AMPH: variants seen among roughly 807,000 people sequenced by gnomAD.
AMPH encodes amphiphysin, also known as amphiphysin (Stiff-Mann syndrome with breast cancer 128kD autoantigen).
Under a neutral mutation model 99.1 loss-of-function variants are expected in AMPH, and 49 were observed. That is an observed-to-expected ratio of 0.49 (90% CI 0.39 to 0.63). The LOEUF (loss-of-function observed/expected upper bound fraction) is 0.63. Ranked by LOEUF, AMPH falls within the 20% of genes least tolerant of loss-of-function variation. The pLI, the probability that AMPH is intolerant of heterozygous loss-of-function variation, is 0.00. For synonymous variants in AMPH, 314 were observed against 317.3 expected, an observed-to-expected ratio of 0.99 and a Z score of 0.11; for missense variants, 759 against 863.4, an observed-to-expected ratio of 0.88 and a Z score of 1.52.
intron 15 of AMPH, among the ~76,000 whole-genome samples, chr7:38,425,597 T>C (rs1785754910): frequency 6.6e-6 from 1 of 152,166 alleles, no homozygotes; most frequent in African/African-American, 2.4e-5. Flanking sequence ...CCTGGATGGC[T>C]TTGATGGAAC....
At chr7:38,494,326 A>T in intron 4 of AMPH, 107 bp downstream of exon 4, 1 of 940,986 alleles carries the variant, frequency 1.1e-6, no homozygotes, top group Middle Eastern at 2.6e-4. Flanking sequence ...TTCTGAGCAC[A>T]CTGTCTTGCC....
At chr7:38,457,513 A>G (rs1347717402) in intron 11 of AMPH, among the ~76,000 whole-genome samples, 2 of 152,232 alleles carry the variant, frequency 1.3e-5, no homozygotes, top group Non-Finnish European at 2.9e-5. Context: ...GTGAGACAAA[A>G]ATAAATAAAA....
At chr7:38,590,935 TTTATA>T (rs1164453295) in intron 1 of AMPH, among the ~76,000 whole-genome samples, 2 of 152,196 alleles carry the variant, frequency 1.3e-5, no homozygotes, top group Non-Finnish European at 2.9e-5. Flanking sequence ...AAGATATAAT[TTTATA>T]TTATAAGCGA....
chr7:38,579,574 C>T (rs1418888991), intron 1 of AMPH, among the ~76,000 whole-genome samples: 1 of 152,150 alleles, frequency 6.6e-6, no homozygotes, highest in African/African-American at 2.4e-5. Flanking sequence ...GTTCAGGTAT[C>T]GGTTGGCATG....
chr7:38,509,034 G>T (rs1376979967), intron 2 of AMPH, among the ~76,000 whole-genome samples: 1 of 152,158 alleles, frequency 6.6e-6, no homozygotes, highest in African/African-American at 2.4e-5. Context: ...TTCAGGTGCT[G>T]TTAAATGGGA....
chr7:38,409,747 G>A lies in AMPH; in HGVS notation c.1398+8078C>T, dbSNP rs551169064. 4.1e-4 allele frequency among the ~76,000 whole-genome samples: 62 copies of A among 152,282 alleles called. 1 individual carries two copies. In the South Asian group the frequency reaches 0.013, roughly 31 times the overall value. On this transcript the variant is annotated intron_variant, in intron 17 of 20. Coordinates refer to ENST00000356264, the MANE Select transcript of AMPH (RefSeq NM_001635.4). ...CAGGCAGCACTGTTGCCATGGCAAC[G>A]TCTGTTAGAACTAGCTCCATCACTT... is the stretch of plus-strand genomic sequence containing the variant.
chr7:38,594,180 G>A (rs1412635044), intron 1 of AMPH, among the ~76,000 whole-genome samples: 1 of 152,118 alleles, frequency 6.6e-6, no homozygotes, highest in African/African-American at 2.4e-5. Flanking sequence ...CGAATTCCAG[G>A]TATGTCCTGA....
intron 1 of AMPH, among the ~76,000 whole-genome samples, chr7:38,555,487 G>T (rs1275872435): frequency 6.6e-6 from 1 of 152,168 alleles, no homozygotes; most frequent in Middle Eastern, 3.2e-3. Context: ...GATGGTACCT[G>T]CAAGGGCTGG....
intron 1 of AMPH, among the ~76,000 whole-genome samples, chr7:38,590,646 A>T (rs2129057877): frequency 6.6e-6 from 1 of 152,256 alleles, no homozygotes; most frequent in East Asian, 1.9e-4. Flanking sequence ...TTTGTATTTT[A>T]GTGAGCCCTC....
At chr7:38,394,813 G>A (rs778664255) in intron 17 of AMPH, among the ~76,000 whole-genome samples, 5 of 152,280 alleles carry the variant, frequency 3.3e-5, no homozygotes, top group South Asian at 2.1e-4. Flanking sequence ...TTCACTGAGC[G>A]CTAATCAGAG....
intron 15 of AMPH, among the ~76,000 whole-genome samples, chr7:38,426,477 G>A (rs1399754086): frequency 1.3e-5 from 2 of 152,242 alleles, no homozygotes; most frequent in Non-Finnish European, 2.9e-5. Context: ...GTAAGGCTCT[G>A]TGCAGTGTGG....
At chr7:38,586,989 C>T (rs979319953) in intron 1 of AMPH, among the ~76,000 whole-genome samples, 3 of 148,278 alleles carry the variant, frequency 2.0e-5, no homozygotes, top group Non-Finnish European at 3.0e-5. Context: ...TATTATTGAC[C>T]CAAATATTAG....
chr7:38,551,751 T>C (rs1417368893), intron 1 of AMPH, among the ~76,000 whole-genome samples: 1 of 152,018 alleles, frequency 6.6e-6, no homozygotes, highest in Non-Finnish European at 1.5e-5. Flanking sequence ...ACAGAAAGAA[T>C]GAGGGAGAGA....
chr7:38,452,076 G>A (rs1787058888), intron 11 of AMPH, among the ~76,000 whole-genome samples: 1 of 152,176 alleles, frequency 6.6e-6, no homozygotes, highest in African/African-American at 2.4e-5. Flanking sequence ...GACACACTCA[G>A]GAGAGAATCA....
intron 11 of AMPH, among the ~76,000 whole-genome samples, chr7:38,444,271 T>C (rs1786670502): frequency 6.6e-6 from 1 of 152,158 alleles, no homozygotes. Flanking sequence ...TGATTCAATA[T>C]CTGTACTGCT....
chr7:38,411,048 G>T (rs1177131019), intron 17 of AMPH, among the ~76,000 whole-genome samples: 2 of 152,174 alleles, frequency 1.3e-5, no homozygotes, highest in Admixed American at 6.5e-5. Flanking sequence ...AAAGCATCTG[G>T]AGTAGTCAGG....
intron 9 of AMPH, chr7:38,464,084 C>T (rs1303608924): frequency 4.7e-6 from 6 of 1,289,774 alleles, no homozygotes; most frequent in Non-Finnish European, 6.1e-6. Flanking sequence ...ACTGAGCTCA[C>T]TCACCACCTC....
At chr7:38,602,276 T>G (rs1793273375) in intron 1 of AMPH, among the ~76,000 whole-genome samples, 1 of 152,202 alleles carries the variant, frequency 6.6e-6, no homozygotes, top group South Asian at 2.1e-4. Flanking sequence ...CCCAGCTTTC[T>G]AAATTGATTT....
At chr7:38,562,978 T>C (rs1791608390) in intron 1 of AMPH, among the ~76,000 whole-genome samples, 1 of 152,226 alleles carries the variant, frequency 6.6e-6, no homozygotes, top group Admixed American at 6.5e-5. Flanking sequence ...CCCTAGTACC[T>C]TGAAGTCAAC....
Sources: allele counts gnomAD v4.1 joint callset (sites outside exome capture counted in the v4.1 genomes callset), GRCh38; gene constraint gnomAD v4.1.1; transcripts MANE v1.5; gene names NCBI Gene and HGNC (gene_info 2026-07-23, HGNC 2026-07-21).